Variants in NRG1 observed in about 807,000 individuals in gnomAD.
The protein encoded by NRG1 is neuregulin 1.
A neutral mutation model predicts 63.8 loss-of-function variants in NRG1; 18 were observed. That is an observed-to-expected ratio of 0.28 (90% confidence interval 0.19 to 0.42). NRG1 has a LOEUF of 0.42. Among genes scored for constraint, NRG1 ranks in the 10% least tolerant of loss-of-function variants. The pLI is 1.00. For synonymous variants in NRG1, 302 were observed against 301.3 expected, an observed-to-expected ratio of 1.00 and a Z score of -0.02; for missense variants, 762 against 814.7, an observed-to-expected ratio of 0.94 and a Z score of 0.79.
chr8:31,717,881 G>A (rs76552626), intron 1 of NRG1, among the ~76,000 whole-genome samples: 2,075 of 152,214 alleles, frequency 0.014, 36 homozygotes, highest in African/African-American at 0.046. Context: ...AAAAATCATG[G>A]TTGGGAATTA....
intron 1 of NRG1, among the ~76,000 whole-genome samples, chr8:31,641,962 G>A (rs1414876592): frequency 6.6e-6 from 1 of 152,066 alleles, no homozygotes. Flanking sequence ...CTGATGATTT[G>A]GTTTTAATGA....
chr8:32,189,203 C>T (rs929169154), intron 1 of NRG1, among the ~76,000 whole-genome samples: 1 of 152,108 alleles, frequency 6.6e-6, no homozygotes, highest in African/African-American at 2.4e-5. Flanking sequence ...AGCTAGTACC[C>T]AGTAGGTAGT....
At chr8:32,066,423 G>T (rs1363969481) in intron 1 of NRG1, among the ~76,000 whole-genome samples, 2 of 152,144 alleles carry the variant, frequency 1.3e-5, no homozygotes, top group Non-Finnish European at 2.9e-5. Context: ...AGTTTTCCCA[G>T]CACCATTTAT....
chr8:32,654,609 A>C (rs1855879771), intron 5 of NRG1, among the ~76,000 whole-genome samples: 1 of 151,828 alleles, frequency 6.6e-6, no homozygotes, highest in South Asian at 2.1e-4. Context: ...AGCCAGGGTG[A>C]CAGAGTCAGA....
intron 1 of NRG1, among the ~76,000 whole-genome samples, chr8:32,497,948 C>A (rs1827407967): frequency 1.3e-5 from 2 of 152,120 alleles, no homozygotes; most frequent in Admixed American, 1.3e-4. Context: ...CTCAGCCTAC[C>A]AAGTAGCTGG....
intron 1 of NRG1, among the ~76,000 whole-genome samples, chr8:31,734,992 C>A (rs1216440186): frequency 3.3e-5 from 5 of 152,086 alleles, no homozygotes; most frequent in Non-Finnish European, 5.9e-5. Flanking sequence ...CCTATGTGTG[C>A]GTCATGGACA....
intron 1 of NRG1, among the ~76,000 whole-genome samples, chr8:32,150,542 T>C (rs1412197953): frequency 1.3e-5 from 2 of 152,206 alleles, no homozygotes; most frequent in Non-Finnish European, 2.9e-5. Context: ...CAAGAGGCAC[T>C]CTTTATGAAG....
At position 32,625,898 on chromosome 8, in the gene NRG1, A is replaced by G. The variant is rs550262218; in HGVS notation, c.502+9013A>G. Among the ~76,000 whole-genome samples the G allele has an allele frequency of 7.5e-4, 111 of 147,702 alleles. 1 individual carries two copies. Among genetic ancestry groups the G allele is most frequent in the South Asian group, 3.6e-3 (17 of 4,704 alleles). On this transcript the variant is annotated intron_variant, in intron 5 of 11. Transcript: ENST00000356819. ...AACCTCGGCCTCCCGGGTTCAAGCGATTCTTTTGCCTCAGCTTCCCAAGTA... is the reference window on the plus strand; with the variant it reads ...AACCTCGGCCTCCCGGGTTCAAGCGGTTCTTTTGCCTCAGCTTCCCAAGTA...
At chr8:32,246,786 A>G (rs1319023694) in intron 1 of NRG1, among the ~76,000 whole-genome samples, 1 of 152,114 alleles carries the variant, frequency 6.6e-6, no homozygotes, top group Non-Finnish European at 1.5e-5. Flanking sequence ...CTCGAAGCAG[A>G]TAGAATGGCG....
intron 1 of NRG1, among the ~76,000 whole-genome samples, chr8:32,346,706 T>A (rs1413224142): frequency 1.3e-5 from 2 of 152,220 alleles, no homozygotes; most frequent in Non-Finnish European, 2.9e-5. Flanking sequence ...TTTAAAAATA[T>A]TTTTAATTGA....
chr8:32,086,254 C>G (rs1212736122), intron 1 of NRG1, among the ~76,000 whole-genome samples: 1 of 152,150 alleles, frequency 6.6e-6, no homozygotes, highest in East Asian at 1.9e-4. Flanking sequence ...ACTTTCTTAT[C>G]TCAATTAAAA....
intron 1 of NRG1, chr8:31,639,849 C>CAATA (rs1329868312): frequency 8.8e-7 from 1 of 1,139,646 alleles, no homozygotes; most frequent in Non-Finnish European, 1.1e-6. Context: ...CCTGCACCCC[C>CAATA]AATAAATAAA....
At chr8:31,901,228 A>T (rs1250689683) in intron 1 of NRG1, among the ~76,000 whole-genome samples, 1 of 152,222 alleles carries the variant, frequency 6.6e-6, no homozygotes, top group Non-Finnish European at 1.5e-5. Flanking sequence ...TATTCACAAA[A>T]GCAAATGATG....
chr8:31,760,091 A>G, intron 1 of NRG1, among the ~76,000 whole-genome samples: 1 of 152,274 alleles, frequency 6.6e-6, no homozygotes, highest in South Asian at 2.1e-4. Flanking sequence ...AACTTTGTCC[A>G]AACTCTTGTA....
At chr8:32,063,138 A>G (rs1403038506) in intron 1 of NRG1, 1 of 152,138 alleles carries the variant, frequency 6.6e-6, no homozygotes, top group African/African-American at 2.4e-5. Flanking sequence ...CAAAAGATGG[A>G]CAGCTCTAAG....
At chr8:32,185,350 C>G (rs760882896) in intron 1 of NRG1, among the ~76,000 whole-genome samples, 1 of 152,070 alleles carries the variant, frequency 6.6e-6, no homozygotes, top group Non-Finnish European at 1.5e-5. Context: ...CCGTTATTAC[C>G]TCTGAATTCT....
intron 1 of NRG1, among the ~76,000 whole-genome samples, chr8:31,799,069 C>T (rs925998767): frequency 1.3e-5 from 2 of 152,126 alleles, no homozygotes; most frequent in Non-Finnish European, 2.9e-5. Context: ...TGGATTGCCA[C>T]ATGCTGTATA....
intron 1 of NRG1, among the ~76,000 whole-genome samples, chr8:31,788,408 A>G (rs978177669): frequency 2.6e-5 from 4 of 152,154 alleles, no homozygotes; most frequent in African/African-American, 9.6e-5. Context: ...AGATATGGAT[A>G]TTTAGGCTTG....
At chr8:32,503,159 C>T (rs1381478328) in intron 1 of NRG1, among the ~76,000 whole-genome samples, 3 of 151,330 alleles carry the variant, frequency 2.0e-5, no homozygotes, top group Admixed American at 6.6e-5. Flanking sequence ...TGGTGGCGGG[C>T]GCCTGTAGTC....
Sources: allele counts gnomAD v4.1 joint callset (sites outside exome capture counted in the v4.1 genomes callset), GRCh38; gene constraint gnomAD v4.1.1; transcripts MANE v1.5; gene names NCBI Gene and HGNC (gene_info 2026-07-23, HGNC 2026-07-21).